The following ENTREP2 variants were observed in gnomAD, a reference collection of about 807,000 sequenced individuals.
ENTREP2 encodes the protein protein ENTREP2.
chr15:29,297,284 T>C, the ENTREP2 span, among the ~76,000 whole-genome samples: 7 of 152,118 alleles, frequency 4.6e-5, no homozygotes, highest in African/African-American at 1.7e-4. Context: ...TATGGAAAGC[T>C]CACACTGGCC....
chr15:29,195,243 G>A, the ENTREP2 span: 5 of 985,332 alleles, frequency 5.1e-6, no homozygotes, highest in Non-Finnish European at 6.0e-6. Flanking sequence ...CATGACAGGC[G>A]CTGTGAGCCA....
At chr15:29,586,859 G>A in the ENTREP2 span, among the ~76,000 whole-genome samples, 1 of 152,238 alleles carries the variant, frequency 6.6e-6, no homozygotes, top group African/African-American at 2.4e-5. Flanking sequence ...AGTTGAATGG[G>A]GAAAACATAT....
chr15:29,196,172 C>T, the ENTREP2 span, among the ~76,000 whole-genome samples: 10 of 152,300 alleles, frequency 6.6e-5, no homozygotes, highest in East Asian at 1.9e-3. Context: ...CCTCTTTCAA[C>T]CATTTGCATC....
the ENTREP2 span, among the ~76,000 whole-genome samples, chr15:29,620,504 G>A: frequency 3.3e-5 from 5 of 152,018 alleles, no homozygotes; most frequent in Non-Finnish European, 5.9e-5. Context: ...CAGGTGCAGT[G>A]GCTCACACCT....
At chr15:29,284,493 G>A in the ENTREP2 span, among the ~76,000 whole-genome samples, 2 of 148,752 alleles carry the variant, frequency 1.3e-5, no homozygotes, top group Admixed American at 6.8e-5. Context: ...GGAGGCAGAG[G>A]TTGCAGTGAG....
chr15:29,137,168 G>A, the ENTREP2 span: 1 of 1,481,952 alleles, frequency 6.7e-7, no homozygotes, highest in Admixed American at 2.8e-5. Flanking sequence ...AGGTGGGGTT[G>A]GCAGGATGTG....
At chr15:29,561,902 T>C in the ENTREP2 span, among the ~76,000 whole-genome samples, 3 of 152,036 alleles carry the variant, frequency 2.0e-5, no homozygotes, top group African/African-American at 7.2e-5. Flanking sequence ...GGGGAAATGG[T>C]GAATTTAAAA....
At chr15:29,663,357 T>C in the ENTREP2 span, among the ~76,000 whole-genome samples, 1 of 151,932 alleles carries the variant, frequency 6.6e-6, no homozygotes, top group African/African-American at 2.4e-5. Flanking sequence ...CCATCTCTAC[T>C]AAAAATACAA....
chr15:29,200,455 C>T, the ENTREP2 span, among the ~76,000 whole-genome samples: 6 of 152,166 alleles, frequency 3.9e-5, no homozygotes, highest in South Asian at 1.2e-3. Context: ...GGTGTACAGG[C>T]GTGAGCCACC....
chr15:29,430,083 A>C, the ENTREP2 span, among the ~76,000 whole-genome samples: 1 of 152,212 alleles, frequency 6.6e-6, no homozygotes, highest in African/African-American at 2.4e-5. Flanking sequence ...CCGTGGGGAA[A>C]ACCTGGGAAT....
At chr15:29,350,635 A>C in the ENTREP2 span, among the ~76,000 whole-genome samples, 2 of 152,206 alleles carry the variant, frequency 1.3e-5, no homozygotes, top group East Asian at 1.9e-4. Flanking sequence ...AAAGTTTTGC[A>C]ATAATTATTA....
chr15:29,451,403 C>T, the ENTREP2 span, among the ~76,000 whole-genome samples: 2 of 152,162 alleles, frequency 1.3e-5, no homozygotes, highest in Admixed American at 1.3e-4. Context: ...CTCAGCTGAG[C>T]ATCTGCAGAC....
At chr15:29,567,254 A>G in the ENTREP2 span, among the ~76,000 whole-genome samples, 3 of 152,106 alleles carry the variant, frequency 2.0e-5, no homozygotes, top group South Asian at 2.1e-4. Context: ...CCTGTCTCCA[A>G]CCTTGCCGAG....
At chr15:29,666,182 T>C in the ENTREP2 span, among the ~76,000 whole-genome samples, 1 of 151,190 alleles carries the variant, frequency 6.6e-6, no homozygotes, top group Non-Finnish European at 1.5e-5. Context: ...AAAAAAAAAA[T>C]TATTTATACA....
the ENTREP2 span, among the ~76,000 whole-genome samples, chr15:29,550,466 A>C: frequency 6.6e-6 from 1 of 152,214 alleles, no homozygotes; most frequent in African/African-American, 2.4e-5. Context: ...GATCTTCTCC[A>C]TTATTTTATC....
chr15:29,333,167 A>C, the ENTREP2 span, among the ~76,000 whole-genome samples: 5 of 152,148 alleles, frequency 3.3e-5, no homozygotes, highest in African/African-American at 1.2e-4. Flanking sequence ...AGTGACATGA[A>C]GAAATGGCTA....
chr15:29,333,397 G>A, the ENTREP2 span, among the ~76,000 whole-genome samples: 1 of 152,098 alleles, frequency 6.6e-6, no homozygotes, highest in Non-Finnish European at 1.5e-5. Context: ...AGGCAGCCTG[G>A]CCAGCAGTCC....
At chr15:29,306,893 A>C in the ENTREP2 span, among the ~76,000 whole-genome samples, 1 of 150,918 alleles carries the variant, frequency 6.6e-6, no homozygotes, top group African/African-American at 2.5e-5. Context: ...CTACAGGCGC[A>C]TGCCACCATG....
At chr15:29,309,124 A>C in the ENTREP2 span, among the ~76,000 whole-genome samples, 1 of 152,228 alleles carries the variant, frequency 6.6e-6, no homozygotes, top group Non-Finnish European at 1.5e-5. Flanking sequence ...TTTAATTCAC[A>C]GGCCCAGCTG....
Sources: allele counts gnomAD v4.1 joint callset (sites outside exome capture counted in the v4.1 genomes callset), GRCh38; gene constraint gnomAD v4.1.1; transcripts MANE v1.5; gene names NCBI Gene and HGNC (gene_info 2026-07-23, HGNC 2026-07-21).